TAFA1: variants seen among roughly 807,000 people sequenced by gnomAD.
The protein encoded by TAFA1 is chemokine-like protein TAFA-1.
A neutral mutation model predicts 18.5 loss-of-function variants in TAFA1; 4 were observed. That is an observed-to-expected ratio of 0.22 (90% CI 0.11 to 0.49). TAFA1 has a LOEUF of 0.49. Ranked by LOEUF, TAFA1 falls within the 20% of genes least tolerant of loss-of-function variation. The probability of loss-of-function intolerance (pLI) is 0.98; values close to 1 mark genes in which losing one functional copy is unlikely to be tolerated. For missense variants in TAFA1, 147 were observed against 169.0 expected, an observed-to-expected ratio of 0.87 and a Z score of 0.72; for synonymous variants, 56 against 55.2, an observed-to-expected ratio of 1.01 and a Z score of -0.06.
At chr3:68,476,225 T>A (rs6790906) in intron 3 of TAFA1, among the ~76,000 whole-genome samples, 118,742 of 152,174 alleles carry the variant, frequency 0.78, 46,665 homozygotes, top group African/African-American at 0.88. Flanking sequence ...CATCAGAGTG[T>A]ACAGGCAACC....
intron 3 of TAFA1, among the ~76,000 whole-genome samples, chr3:68,524,930 C>CA (rs1385168460): frequency 6.6e-6 from 1 of 152,184 alleles, no homozygotes; most frequent in Non-Finnish European, 1.5e-5. Context: ...CTCAGCCTCC[C>CA]AAAGTGCTGG....
intron 2 of TAFA1, among the ~76,000 whole-genome samples, chr3:68,393,492 C>T (rs558043835): frequency 1.3e-5 from 2 of 152,062 alleles, no homozygotes; most frequent in Admixed American, 6.6e-5. Context: ...AAAAGAGGCA[C>T]TCCTCCCTAA....
intron 2 of TAFA1, among the ~76,000 whole-genome samples, chr3:68,366,246 G>A (rs1309400050): frequency 6.6e-6 from 1 of 152,072 alleles, no homozygotes; most frequent in Non-Finnish European, 1.5e-5. Flanking sequence ...ATGAGATTTG[G>A]GTGGGGACAC....
chr3:68,077,025 T>C lies in TAFA1; in HGVS notation c.118+70281T>C, dbSNP rs1411652014. On this transcript the variant is annotated intron_variant, in intron 2 of 4. Transcript: ENST00000478136. ...CTCACTGGTGTGAGATGGTATCTCA[T>C]TGTGGTTTTGATTTGCATTTCTCTG... is the stretch of plus-strand genomic sequence containing the variant. 2.6e-5 allele frequency among the ~76,000 whole-genome samples: 4 copies of C among 151,972 alleles called. No individual in the cohort carries two copies. In the East Asian group the frequency reaches 7.8e-4, roughly 29 times the overall value.
intron 2 of TAFA1, among the ~76,000 whole-genome samples, chr3:68,291,240 T>C (rs2035832): frequency 0.19 from 29,501 of 152,132 alleles, 3,965 homozygotes; most frequent in East Asian, 0.74. Flanking sequence ...ATAAGAGATA[T>C]TTAGAGCTAG....
chr3:68,184,942 A>G (rs772161545), intron 2 of TAFA1, among the ~76,000 whole-genome samples: 1 of 152,138 alleles, frequency 6.6e-6, no homozygotes, highest in Non-Finnish European at 1.5e-5. Flanking sequence ...CACTTGAACA[A>G]TCACTGGTAT....
chr3:68,134,991 C>G (rs554940886), intron 2 of TAFA1, among the ~76,000 whole-genome samples: 1 of 152,260 alleles, frequency 6.6e-6, no homozygotes, highest in South Asian at 2.1e-4. Flanking sequence ...TGCAAAATTT[C>G]TTAGTATGTG....
intron 2 of TAFA1, among the ~76,000 whole-genome samples, chr3:68,084,404 T>C (rs1283790361): frequency 6.6e-6 from 1 of 152,182 alleles, no homozygotes; most frequent in Non-Finnish European, 1.5e-5. Context: ...CTTTCTTATA[T>C]TATACCTTGT....
intron 2 of TAFA1, among the ~76,000 whole-genome samples, chr3:68,350,680 C>T (rs2069251177): frequency 2.0e-5 from 3 of 152,098 alleles, no homozygotes; most frequent in African/African-American, 7.2e-5. Flanking sequence ...CAGGATACAT[C>T]TTCAGGACAG....
chr3:68,191,727 A>G (rs778656459), intron 2 of TAFA1, among the ~76,000 whole-genome samples: 4 of 151,848 alleles, frequency 2.6e-5, no homozygotes, highest in Non-Finnish European at 5.9e-5. Context: ...TTAAGGTTAC[A>G]ACATATTAGG....
At chr3:68,415,655 T>A (rs1157158782) in intron 2 of TAFA1, among the ~76,000 whole-genome samples, 4 of 151,770 alleles carry the variant, frequency 2.6e-5, no homozygotes, top group Non-Finnish European at 4.4e-5. Flanking sequence ...CTAGTCACTC[T>A]GGTATTCTTA....
At chr3:68,184,097 C>G (rs1423500543) in intron 2 of TAFA1, among the ~76,000 whole-genome samples, 1 of 151,964 alleles carries the variant, frequency 6.6e-6, no homozygotes, top group African/African-American at 2.4e-5. Flanking sequence ...AGCGATATGA[C>G]ACTTTACATT....
Position 68,405,473 on chromosome 3 carries a change from C to T in TAFA1, c.119-11807C>T, listed in dbSNP as rs7619856. Among the ~76,000 whole-genome samples, 1,450 of 149,850 alleles carry T rather than the reference C, an allele frequency of 9.7e-3. 16 individuals are homozygous for T. Among genetic ancestry groups the T allele is most frequent in the African/African-American group, 0.032 (1,311 of 40,754 alleles). ...CTTGAACCTAGGAGATCGAGACCAG[C>T]GTGGTTTGTAACCTAGGAGTAATAA... On this transcript the variant is annotated intron_variant, in intron 2 of 4. Transcript: ENST00000478136.
At chr3:68,438,315 T>A (rs1016010259) in intron 3 of TAFA1, among the ~76,000 whole-genome samples, 3 of 152,064 alleles carry the variant, frequency 2.0e-5, no homozygotes, top group Admixed American at 6.6e-5. Flanking sequence ...CAGGATTGTA[T>A]CACTGCACTC....
At chr3:68,022,055 T>C (rs1197854384) in intron 2 of TAFA1, among the ~76,000 whole-genome samples, 1 of 152,202 alleles carries the variant, frequency 6.6e-6, no homozygotes, top group Non-Finnish European at 1.5e-5. Context: ...GATTTATTAA[T>C]TATAATCTTT....
intron 2 of TAFA1, among the ~76,000 whole-genome samples, chr3:68,409,973 G>A (rs887296247): frequency 3.3e-5 from 5 of 151,974 alleles, no homozygotes; most frequent in East Asian, 1.9e-4. Flanking sequence ...ATTATCCTTC[G>A]CAATTTATCT....
At chr3:68,054,712 G>C (rs944296860) in intron 2 of TAFA1, among the ~76,000 whole-genome samples, 3 of 152,156 alleles carry the variant, frequency 2.0e-5, no homozygotes, top group African/African-American at 7.2e-5. Flanking sequence ...GGCCTAAACT[G>C]TTTACTATCT....
chr3:68,049,939 A>G (rs1187628905), intron 2 of TAFA1, among the ~76,000 whole-genome samples: 1 of 152,154 alleles, frequency 6.6e-6, no homozygotes, highest in Non-Finnish European at 1.5e-5. Flanking sequence ...AGATACTCCC[A>G]TAAATGGCTG....
chr3:68,271,167 C>T (rs944141847), intron 2 of TAFA1, among the ~76,000 whole-genome samples: 1 of 152,062 alleles, frequency 6.6e-6, no homozygotes, highest in Non-Finnish European at 1.5e-5. Context: ...CTGCTTCCTC[C>T]TGGATTGGTT....
Sources: allele counts gnomAD v4.1 joint callset (sites outside exome capture counted in the v4.1 genomes callset), GRCh38; gene constraint gnomAD v4.1.1; transcripts MANE v1.5; gene names NCBI Gene and HGNC (gene_info 2026-07-23, HGNC 2026-07-21).